The following CPQ variants were observed in gnomAD, a reference collection of about 807,000 sequenced individuals.
CPQ encodes the protein carboxypeptidase Q, also known as Ser-Met dipeptidase.
Under a neutral mutation model 45.7 loss-of-function variants are expected in CPQ, and 37 were observed. The ratio of observed to expected loss-of-function variants is 0.81; its 90% confidence interval spans 0.62 to 1.07. The LOEUF (loss-of-function observed/expected upper bound fraction) is 1.07, where lower values mean the gene tolerates loss of function less well. CPQ is among the 50% of genes least tolerant of loss of function. The pLI is 0.00. For missense variants in CPQ, 537 were observed against 572.9 expected, an observed-to-expected ratio of 0.94 and a Z score of 0.64; for synonymous variants, 186 against 205.8, an observed-to-expected ratio of 0.90 and a Z score of 0.82.
chr8:96,657,365 T>A (rs1815650325), intron 1 of CPQ, among the ~76,000 whole-genome samples: 1 of 152,090 alleles, frequency 6.6e-6, no homozygotes, highest in Non-Finnish European at 1.5e-5. Flanking sequence ...CCTCTCTCTG[T>A]GTGTCACCAT....
At chr8:96,939,821 G>T (rs138091256) in intron 4 of CPQ, among the ~76,000 whole-genome samples, 53 of 152,274 alleles carry the variant, frequency 3.5e-4, no homozygotes, top group Middle Eastern at 3.4e-3. Flanking sequence ...AGTTGCTCTA[G>T]GGTATATACC....
chr8:96,695,487 A>G (rs1367933961), intron 1 of CPQ, among the ~76,000 whole-genome samples: 2 of 151,984 alleles, frequency 1.3e-5, no homozygotes, highest in Admixed American at 6.6e-5. Flanking sequence ...AGAAACTACC[A>G]TCAGAGTGAA....
chr8:96,837,612 G>A (rs79802204), intron 3 of CPQ, among the ~76,000 whole-genome samples: 1,994 of 151,974 alleles, frequency 0.013, 14 homozygotes, highest in Non-Finnish European at 0.02. Context: ...CTATGAATGC[G>A]GTTCATACTT....
intron 4 of CPQ, among the ~76,000 whole-genome samples, chr8:96,965,605 G>A (rs893177455): frequency 8.6e-5 from 13 of 152,030 alleles, no homozygotes; most frequent in South Asian, 2.1e-4. Flanking sequence ...TCCTGACCTC[G>A]TGATCCACCC....
At chr8:97,060,486 T>C (rs891739562) in intron 6 of CPQ, among the ~76,000 whole-genome samples, 18 of 152,164 alleles carry the variant, frequency 1.2e-4, no homozygotes, top group African/African-American at 4.1e-4. Flanking sequence ...GTATATTACA[T>C]GGTAATGAAT....
intron 1 of CPQ, among the ~76,000 whole-genome samples, chr8:96,737,983 G>A (rs1157916573): frequency 6.6e-6 from 1 of 152,054 alleles, no homozygotes; most frequent in African/African-American, 2.4e-5. Context: ...TATAGCCCAT[G>A]AGTAATTTAG....
chr8:96,897,213 G>A (rs565585655), intron 4 of CPQ, among the ~76,000 whole-genome samples: 13 of 152,260 alleles, frequency 8.5e-5, no homozygotes, highest in Non-Finnish European at 1.3e-4. Context: ...TGAGAAAAAC[G>A]TAGCAGATTA....
chr8:96,743,096 G>GCA (rs1810119111), intron 1 of CPQ, among the ~76,000 whole-genome samples: 2 of 152,108 alleles, frequency 1.3e-5, no homozygotes, highest in Non-Finnish European at 2.9e-5. Flanking sequence ...CATTCTCCCG[G>GCA]TCACTTTCAG....
Position 96,728,501 on chromosome 8 carries a change from C to T in CPQ, c.-34-56363C>T, listed in dbSNP as rs113146664. Among the ~76,000 whole-genome samples, 617 of 152,160 alleles carry T rather than the reference C, an allele frequency of 4.1e-3. 9 individuals carry two copies. Among genetic ancestry groups the T allele is most frequent in the African/African-American group, 0.013 (555 of 41,484 alleles). On this transcript the variant is annotated intron_variant, in intron 1 of 7. Coordinates refer to ENST00000220763, the MANE Select transcript of CPQ (RefSeq NM_016134.4). ...GAAAATAAGGTCTTTGACTTTCCCCCGTCTTAGAAACGGTCACAATATTTT... is the reference window on the plus strand; with the variant it reads ...GAAAATAAGGTCTTTGACTTTCCCCTGTCTTAGAAACGGTCACAATATTTT...
chr8:96,676,395 C>G (rs1326281235), intron 1 of CPQ, among the ~76,000 whole-genome samples: 1 of 151,890 alleles, frequency 6.6e-6, no homozygotes, highest in Non-Finnish European at 1.5e-5. Flanking sequence ...CCTGGGTTTT[C>G]TATTCTATTC....
intron 6 of CPQ, among the ~76,000 whole-genome samples, chr8:97,042,633 A>T (rs1018803757): frequency 3.3e-5 from 5 of 150,326 alleles, no homozygotes; most frequent in Non-Finnish European, 4.4e-5. Context: ...AGTGCTATAA[A>T]TTTCCCTCTA....
intron 7 of CPQ, among the ~76,000 whole-genome samples, chr8:97,114,814 C>A (rs1357678697): frequency 1.3e-5 from 2 of 152,172 alleles, no homozygotes; most frequent in African/African-American, 4.8e-5. Context: ...ATTTTATAGT[C>A]TCCTTTAAAA....
intron 3 of CPQ, among the ~76,000 whole-genome samples, chr8:96,853,355 G>A (rs1362067378): frequency 1.3e-5 from 2 of 152,208 alleles, no homozygotes; most frequent in Non-Finnish European, 2.9e-5. Flanking sequence ...GGAAGAGAAA[G>A]CTCAACCTTT....
intron 1 of CPQ, among the ~76,000 whole-genome samples, chr8:96,684,098 G>A (rs1809191370): frequency 1.3e-5 from 2 of 152,032 alleles, no homozygotes; most frequent in South Asian, 4.1e-4. Flanking sequence ...GAAGTGTCAT[G>A]TTTCTTTGCT....
chr8:97,058,779 G>T (rs1172780555), intron 6 of CPQ, among the ~76,000 whole-genome samples: 1 of 152,132 alleles, frequency 6.6e-6, no homozygotes, highest in Non-Finnish European at 1.5e-5. Context: ...AAATTTAATT[G>T]TGAGCTCTTG....
intron 6 of CPQ, among the ~76,000 whole-genome samples, chr8:97,042,266 T>C (rs1810141448): frequency 6.6e-6 from 1 of 152,040 alleles, no homozygotes; most frequent in South Asian, 2.1e-4. Flanking sequence ...TTCTAGTTTA[T>C]TTGCGTAAAG....
At chr8:96,835,882 T>A (rs569749173) in intron 3 of CPQ, among the ~76,000 whole-genome samples, 2 of 152,166 alleles carry the variant, frequency 1.3e-5, no homozygotes, top group South Asian at 4.1e-4. Context: ...GGACTTGTCT[T>A]TTTCTTTGTA....
At chr8:97,042,207 G>T (rs891586280) in intron 6 of CPQ, among the ~76,000 whole-genome samples, 3 of 152,160 alleles carry the variant, frequency 2.0e-5, no homozygotes, top group Non-Finnish European at 4.4e-5. Flanking sequence ...TCCTGGTTTA[G>T]TCTTGGGAGG....
intron 2 of CPQ, among the ~76,000 whole-genome samples, chr8:96,799,001 T>A (rs1226026612): frequency 6.6e-6 from 1 of 152,190 alleles, no homozygotes; most frequent in Non-Finnish European, 1.5e-5. Flanking sequence ...TTAAAAAGGA[T>A]ATTTGAAAAC....
Sources: allele counts gnomAD v4.1 joint callset (sites outside exome capture counted in the v4.1 genomes callset), GRCh38; gene constraint gnomAD v4.1.1; transcripts MANE v1.5; gene names NCBI Gene and HGNC (gene_info 2026-07-23, HGNC 2026-07-21).